The following GPC6 variants were observed in gnomAD, a reference collection of about 807,000 sequenced individuals.
GPC6 encodes the protein glypican-6.
A neutral mutation model predicts 55.2 loss-of-function variants in GPC6; 14 were observed. That is an observed-to-expected ratio of 0.25 (90% confidence interval 0.17 to 0.40). The LOEUF is 0.40. Ranked by LOEUF, GPC6 falls within the 10% of genes least tolerant of loss-of-function variation. GPC6 has a pLI of 1.00. For missense variants in GPC6, 641 were observed against 708.5 expected, an observed-to-expected ratio of 0.90 and a Z score of 1.08; for synonymous variants, 278 against 259.6, an observed-to-expected ratio of 1.07 and a Z score of -0.68.
chr13:93,515,149 C>G (rs1881137751), intron 1 of GPC6, among the ~76,000 whole-genome samples: 1 of 152,136 alleles, frequency 6.6e-6, no homozygotes, highest in Admixed American at 6.6e-5. Flanking sequence ...TGTCCTCTCT[C>G]TGCCATGTGA....
intron 1 of GPC6, among the ~76,000 whole-genome samples, chr13:93,242,116 A>C (rs1876453593): frequency 6.6e-6 from 1 of 152,096 alleles, no homozygotes; most frequent in Non-Finnish European, 1.5e-5. Flanking sequence ...TGAACAATTT[A>C]GTCTTCAGTT....
intron 2 of GPC6, among the ~76,000 whole-genome samples, chr13:93,779,548 C>T (rs1443763799): frequency 2.0e-5 from 3 of 152,130 alleles, no homozygotes; most frequent in African/African-American, 4.8e-5. Context: ...CGTGCCCCTC[C>T]ATTTCACTGT....
Position 94,357,485 on chromosome 13 carries a change from G to A in GPC6, c.1153-24929G>A, listed in dbSNP as rs893897255. ...TTATCCATCAGAAGCTGCATGCATCGCCTGTAAGATACAGCGTGAACACAC... is the reference window on the plus strand; with the variant it reads ...TTATCCATCAGAAGCTGCATGCATCACCTGTAAGATACAGCGTGAACACAC... On this transcript the variant is annotated intron_variant, in intron 6 of 8. Transcript: ENST00000377047. Among the ~76,000 whole-genome samples, 113 of 152,296 alleles carry A rather than the reference G, an allele frequency of 7.4e-4. 2 individuals are homozygous for A. Among genetic ancestry groups the A allele is most frequent in the African/African-American group, 2.7e-3 (111 of 41,566 alleles).
chr13:94,312,675 C>T (rs1226542831), intron 6 of GPC6, among the ~76,000 whole-genome samples: 1 of 151,848 alleles, frequency 6.6e-6, no homozygotes, highest in Admixed American at 6.6e-5. Context: ...TCCCACCTTC[C>T]ACCCCAACAC....
At chr13:93,888,068 A>G (rs950899796) in intron 3 of GPC6, among the ~76,000 whole-genome samples, 2 of 152,146 alleles carry the variant, frequency 1.3e-5, no homozygotes, top group African/African-American at 2.4e-5. Flanking sequence ...TATTTTATGA[A>G]TGAATACTAG....
At chr13:93,686,566 T>C (rs1882054753) in intron 2 of GPC6, among the ~76,000 whole-genome samples, 1 of 152,292 alleles carries the variant, frequency 6.6e-6, no homozygotes, top group African/African-American at 2.4e-5. Flanking sequence ...CAGCATTTAT[T>C]TGGTGAGAAA....
chr13:94,305,296 G>A (rs1023141224), intron 5 of GPC6, among the ~76,000 whole-genome samples: 9 of 152,152 alleles, frequency 5.9e-5, no homozygotes, highest in Non-Finnish European at 8.8e-5. Context: ...ATGTAGCCTT[G>A]TGTTATGTGT....
At chr13:93,911,691 C>T (rs942671190) in intron 3 of GPC6, among the ~76,000 whole-genome samples, 2 of 152,154 alleles carry the variant, frequency 1.3e-5, no homozygotes, top group African/African-American at 2.4e-5. Flanking sequence ...TGACCTTGGG[C>T]GTATTGCTTA....
At chr13:93,943,968 G>C (rs879402837) in intron 3 of GPC6, among the ~76,000 whole-genome samples, 11 of 152,084 alleles carry the variant, frequency 7.2e-5, no homozygotes, top group Non-Finnish European at 1.5e-4. Flanking sequence ...ATCAGTTACA[G>C]ATCCCACACC....
intron 4 of GPC6, among the ~76,000 whole-genome samples, chr13:94,111,479 A>AATG (rs1162227127): frequency 6.0e-5 from 1 of 16,686 alleles, no homozygotes; most frequent in African/African-American, 2.2e-4. Flanking sequence ...TAAATATAAT[A>AATG]ATAATAATAA....
At chr13:94,310,695 T>C (rs1406503946) in intron 6 of GPC6, among the ~76,000 whole-genome samples, 1 of 152,042 alleles carries the variant, frequency 6.6e-6, no homozygotes, top group Non-Finnish European at 1.5e-5. Context: ...ATACTGCACA[T>C]AGCCAACTTG....
At chr13:93,978,283 G>C (rs960890074) in intron 3 of GPC6, among the ~76,000 whole-genome samples, 2 of 152,102 alleles carry the variant, frequency 1.3e-5, no homozygotes, top group Non-Finnish European at 2.9e-5. Context: ...ATCTGTGTTG[G>C]ACTTCTTATC....
intron 1 of GPC6, among the ~76,000 whole-genome samples, chr13:93,439,681 TAAAATAAATA>T (rs1877706508): frequency 7.7e-6 from 1 of 129,908 alleles, no homozygotes; most frequent in South Asian, 2.3e-4. Flanking sequence ...TAAAATAAAA[TAAAATAAATA>T]AAAAAAATAA....
chr13:93,527,487 C>A (rs1881700609), intron 1 of GPC6, among the ~76,000 whole-genome samples: 1 of 152,084 alleles, frequency 6.6e-6, no homozygotes. Context: ...CATGGCTGAG[C>A]TTTAATCACA....
chr13:94,218,852 G>T (rs1489149515), intron 4 of GPC6, among the ~76,000 whole-genome samples: 1 of 152,080 alleles, frequency 6.6e-6, no homozygotes, highest in Non-Finnish European at 1.5e-5. Context: ...AATTCAGTTG[G>T]TCTGGGGTAG....
At chr13:93,726,563 T>C (rs558342340) in intron 2 of GPC6, among the ~76,000 whole-genome samples, 1 of 152,252 alleles carries the variant, frequency 6.6e-6, no homozygotes, top group Non-Finnish European at 1.5e-5. Context: ...GTCAGATGTA[T>C]GTAGATCTGC....
chr13:93,653,440 G>A (rs893661551), intron 2 of GPC6, among the ~76,000 whole-genome samples: 5 of 151,958 alleles, frequency 3.3e-5, no homozygotes, highest in Admixed American at 6.6e-5. Context: ...AATGAATCTC[G>A]GCTTTTGGCA....
At chr13:93,289,143 A>G (rs1208313758) in intron 1 of GPC6, among the ~76,000 whole-genome samples, 1 of 152,162 alleles carries the variant, frequency 6.6e-6, no homozygotes, top group African/African-American at 2.4e-5. Flanking sequence ...TACCACATTG[A>G]AGCCTTAGTG....
At chr13:93,664,914 A>C (rs1881074381) in intron 2 of GPC6, among the ~76,000 whole-genome samples, 1 of 152,206 alleles carries the variant, frequency 6.6e-6, no homozygotes, top group Admixed American at 6.5e-5. Context: ...AATAATTCAC[A>C]TTTTCAACTG....
Sources: gnomAD v4.1 joint callset for allele counts (sites outside exome capture counted in the v4.1 genomes callset) on GRCh38, gnomAD v4.1.1 for gene constraint, MANE v1.5 for transcripts, NCBI Gene and HGNC (gene_info 2026-07-23, HGNC 2026-07-21) for gene names.